The following SLC35F1 variants were observed in gnomAD, a reference collection of about 807,000 sequenced individuals.
The protein encoded by SLC35F1 is solute carrier family 35 member F1, also known as chromosome 6 open reading frame 169.
Under a neutral mutation model 48.7 loss-of-function variants are expected in SLC35F1, and 14 were observed. That is an observed-to-expected ratio of 0.29 (90% CI 0.19 to 0.45). The LOEUF (loss-of-function observed/expected upper bound fraction) is 0.45, where lower values mean the gene tolerates loss of function less well. Ranked by LOEUF, SLC35F1 falls within the 20% of genes least tolerant of loss-of-function variation. The probability of loss-of-function intolerance (pLI) is 1.00; values close to 1 mark genes in which losing one functional copy is unlikely to be tolerated. For synonymous variants in SLC35F1, 190 were observed against 202.2 expected (o/e 0.94, Z 0.51); for missense variants, 404 against 500.0 (o/e 0.81, Z 1.83).
At chr6:118,212,741 AG>A (rs1422980924) in intron 2 of SLC35F1, among the ~76,000 whole-genome samples, 1 of 133,742 alleles carries the variant, frequency 7.5e-6, no homozygotes, top group Non-Finnish European at 1.6e-5. Flanking sequence ...GAAGGAAGGA[AG>A]GAAGGAAGGA....
At chr6:117,964,541 T>A (rs1308430090) in intron 1 of SLC35F1, among the ~76,000 whole-genome samples, 1 of 152,222 alleles carries the variant, frequency 6.6e-6, no homozygotes, top group African/African-American at 2.4e-5. Context: ...TGTTTCATCA[T>A]GTAATTGAGT....
intron 3 of SLC35F1, among the ~76,000 whole-genome samples, chr6:118,262,404 AGAG>A (rs1775724558): frequency 6.6e-6 from 1 of 152,154 alleles, no homozygotes; most frequent in Non-Finnish European, 1.5e-5. Flanking sequence ...GAAAAGAAAA[AGAG>A]GTAGGGAGAA....
chr6:118,159,417 A>G (rs1582701778), intron 2 of SLC35F1, among the ~76,000 whole-genome samples: 1 of 152,190 alleles, frequency 6.6e-6, no homozygotes, highest in Non-Finnish European at 1.5e-5. Flanking sequence ...TTAGTTAGGA[A>G]ATTAAAATGT....
chr6:118,280,292 C>T (rs982709986), intron 6 of SLC35F1, among the ~76,000 whole-genome samples: 2 of 152,106 alleles, frequency 1.3e-5, no homozygotes, highest in African/African-American at 4.8e-5. Context: ...TTCCCTTTAC[C>T]CCACGGGTCA....
At chr6:118,246,907 A>G (rs1475789869) in intron 3 of SLC35F1, among the ~76,000 whole-genome samples, 3 of 152,098 alleles carry the variant, frequency 2.0e-5, no homozygotes, top group Admixed American at 6.5e-5. Context: ...GTGACTTTTA[A>G]CAGTGCCCCC....
intron 1 of SLC35F1, among the ~76,000 whole-genome samples, chr6:117,923,597 GTGTATATATACATATACATA>G (rs141007424): frequency 0.15 from 2,107 of 14,324 alleles, 535 homozygotes; most frequent in East Asian, 0.24. Flanking sequence ...ATATACATAT[GTGTATATATACATATACATA>G]TGTATATATA....
intron 1 of SLC35F1, among the ~76,000 whole-genome samples, chr6:117,998,533 G>C (rs887883360): frequency 6.6e-5 from 10 of 152,036 alleles, no homozygotes; most frequent in Non-Finnish European, 1.2e-4. Flanking sequence ...AAGTAAAGCT[G>C]TCCTCAGCAA....
intron 1 of SLC35F1, among the ~76,000 whole-genome samples, chr6:118,012,654 A>G (rs142412080): frequency 1.3e-4 from 20 of 152,338 alleles, no homozygotes; most frequent in African/African-American, 4.8e-4. Context: ...TAATTCAATG[A>G]GAATGGTGAG....
In SLC35F1 at chr6:117,997,836, A is replaced by T. The variant is rs185415251; in HGVS notation, c.173+89937A>T. 8.4e-4 allele frequency among the ~76,000 whole-genome samples: 128 copies of T among 152,362 alleles called. 1 individual carries two copies. The highest frequency in any genetic ancestry group is 3.0e-3 in the African/African-American group (125 of 41,586). ...TGCAAAATCATACCAAATTGTAAAG[A>T]CCATCAAGGCTAGGAAGAAACTGCA... On this transcript the variant is annotated intron_variant, in intron 1 of 7. Coordinates refer to ENST00000360388, the MANE Select transcript of SLC35F1 (RefSeq NM_001029858.4).
At chr6:117,954,269 T>C (rs1261849372) in intron 1 of SLC35F1, among the ~76,000 whole-genome samples, 2 of 152,152 alleles carry the variant, frequency 1.3e-5, no homozygotes, top group East Asian at 3.9e-4. Context: ...TTTTCTTTTT[T>C]TTTGAGACGG....
At chr6:117,947,321 G>A (rs1315054592) in intron 1 of SLC35F1, among the ~76,000 whole-genome samples, 1 of 152,140 alleles carries the variant, frequency 6.6e-6, no homozygotes, top group Non-Finnish European at 1.5e-5. Flanking sequence ...AAAGTACTGG[G>A]AGGACAGTGA....
chr6:118,119,492 G>GCCCCC (rs564384163), intron 1 of SLC35F1, among the ~76,000 whole-genome samples: 6 of 20,666 alleles, frequency 2.9e-4, no homozygotes, highest in Non-Finnish European at 9.5e-4. Context: ...GTAATAACCG[G>GCCCCC]CGCCCCCCCT....
chr6:118,009,080 G>A (rs1777212099), intron 1 of SLC35F1, among the ~76,000 whole-genome samples: 1 of 151,994 alleles, frequency 6.6e-6, no homozygotes, highest in Non-Finnish European at 1.5e-5. Flanking sequence ...TCCAGTTAAC[G>A]AGCAACAAAT....
At chr6:118,184,306 G>T (rs1562318363) in intron 2 of SLC35F1, among the ~76,000 whole-genome samples, 1 of 152,132 alleles carries the variant, frequency 6.6e-6, no homozygotes, top group African/African-American at 2.4e-5. Flanking sequence ...GGAGTACCTG[G>T]CTCTACCATA....
At chr6:117,944,592 T>TAC (rs60520269) in intron 1 of SLC35F1, among the ~76,000 whole-genome samples, 3,127 of 135,970 alleles carry the variant, frequency 0.023, 59 homozygotes, top group African/African-American at 0.054. Context: ...CACATACACA[T>TAC]ACACACACAC....
chr6:118,150,301 A>G (rs946001355), intron 1 of SLC35F1, among the ~76,000 whole-genome samples: 9 of 152,124 alleles, frequency 5.9e-5, no homozygotes, highest in African/African-American at 2.2e-4. Flanking sequence ...TTATTTGAGG[A>G]CCTAGCTCCC....
At chr6:118,227,175 C>G (rs538132158) in intron 2 of SLC35F1, among the ~76,000 whole-genome samples, 8 of 152,292 alleles carry the variant, frequency 5.3e-5, no homozygotes, top group African/African-American at 1.9e-4. Context: ...AGGCTGCTTT[C>G]TGGAGCCTGG....
intron 1 of SLC35F1, among the ~76,000 whole-genome samples, chr6:118,105,680 A>C (rs1041092050): frequency 6.6e-6 from 1 of 152,066 alleles, no homozygotes. Context: ...CCATCTCTGT[A>C]TTTTCATCAC....
intron 2 of SLC35F1, among the ~76,000 whole-genome samples, chr6:118,206,769 TCA>T (rs1210847481): frequency 6.6e-6 from 1 of 152,144 alleles, no homozygotes; most frequent in East Asian, 1.9e-4. Flanking sequence ...CTTCTGTCCA[TCA>T]CAGGGAACCA....
Sources: allele counts gnomAD v4.1 joint callset (sites outside exome capture counted in the v4.1 genomes callset), GRCh38; gene constraint gnomAD v4.1.1; transcripts MANE v1.5; gene names NCBI Gene and HGNC (gene_info 2026-07-23, HGNC 2026-07-21).